LIPA: variants seen among roughly 807,000 people sequenced by gnomAD.
LIPA encodes lysosomal acid lipase/cholesteryl ester hydrolase.
A neutral mutation model predicts 40.6 loss-of-function variants in LIPA; 26 were observed. The ratio of observed to expected loss-of-function variants is 0.64; its 90% CI spans 0.47 to 0.89. LIPA has a LOEUF of 0.89. Ranked by LOEUF, LIPA falls within the 40% of genes least tolerant of loss-of-function variation. The pLI, the probability that LIPA is intolerant of heterozygous loss-of-function variation, is 0.00. For synonymous variants in LIPA, 188 were observed against 168.4 expected (o/e 1.12, Z -0.90); for missense variants, 455 against 479.6 (o/e 0.95, Z 0.48).
At chr10:89,295,631 C>T (rs1467744955) in intron 1 of LIPA, among the ~76,000 whole-genome samples, 1 of 152,076 alleles carries the variant, frequency 6.6e-6, no homozygotes. Flanking sequence ...TGCATTATAC[C>T]ATCTGTAGTT....
chr10:89,411,260 G>A (rs910267024), intron 2 of LIPA, among the ~76,000 whole-genome samples: 2 of 151,760 alleles, frequency 1.3e-5, no homozygotes, highest in Admixed American at 6.5e-5. Flanking sequence ...AGGACAGGAC[G>A]GATAGATGGT....
At chr10:89,356,238 C>T (rs534396382) in intron 2 of LIPA, among the ~76,000 whole-genome samples, 1 of 152,116 alleles carries the variant, frequency 6.6e-6, no homozygotes, top group East Asian at 1.9e-4. Context: ...GAAGGGTGGG[C>T]ATGGAGCTTC....
chr10:89,245,920 A>T (rs553526832), intron 2 of LIPA, 127 bp from the exon 3 acceptor site: 1 of 726,406 alleles, frequency 1.4e-6, no homozygotes, highest in South Asian at 1.4e-5. Flanking sequence ...TTGAAATTTT[A>T]GTCTGCTAAA....
chr10:89,377,539 T>C (rs994397767), intron 2 of LIPA, among the ~76,000 whole-genome samples: 7 of 152,190 alleles, frequency 4.6e-5, no homozygotes, highest in African/African-American at 1.7e-4. Context: ...ATCTCAAAAT[T>C]GAGGAGTTGT....
chr10:89,290,886 G>T (rs1203496699), intron 1 of LIPA, among the ~76,000 whole-genome samples: 2 of 152,210 alleles, frequency 1.3e-5, no homozygotes, highest in African/African-American at 4.8e-5. Flanking sequence ...TCTTCACGTG[G>T]AAAAGAGTGA....
intron 1 of LIPA, among the ~76,000 whole-genome samples, chr10:89,288,869 T>A (rs545033214): frequency 6.6e-6 from 1 of 152,366 alleles, no homozygotes; most frequent in Admixed American, 6.5e-5. Flanking sequence ...TGCACCACCA[T>A]GCTGTTACAT....
intron 2 of LIPA, among the ~76,000 whole-genome samples, chr10:89,358,528 G>T (rs1178280657): frequency 6.6e-6 from 1 of 152,166 alleles, no homozygotes; most frequent in Non-Finnish European, 1.5e-5. Context: ...AACAAACTAA[G>T]TGTCCATCAG....
intron 1 of LIPA, among the ~76,000 whole-genome samples, chr10:89,338,477 C>T (rs1843783895): frequency 6.6e-6 from 1 of 152,192 alleles, no homozygotes. Flanking sequence ...ATCTGCTCTA[C>T]TCAGTCCACC....
At chr10:89,286,761 C>G (rs1307157030) in intron 1 of LIPA, among the ~76,000 whole-genome samples, 1 of 152,192 alleles carries the variant, frequency 6.6e-6, no homozygotes, top group Non-Finnish European at 1.5e-5. Flanking sequence ...GGCCCTCAAA[C>G]CCCACAATAG....
At chr10:89,235,654 A>G (rs1157378999) in intron 3 of LIPA, among the ~76,000 whole-genome samples, 1 of 152,204 alleles carries the variant, frequency 6.6e-6, no homozygotes, top group Non-Finnish European at 1.5e-5. Flanking sequence ...CTGAGTCCGG[A>G]CAGGACTCCG....
rs1016645625 is a variant in LIPA at position 89,214,195 on chromosome 10, T to C, written c.*633A>G. 2 of 152,346 alleles carry C rather than the reference T, an allele frequency of 1.3e-5. No individual in the cohort carries two copies. Among genetic ancestry groups the C allele is most frequent in the Admixed American group, 6.5e-5 (1 of 15,290 alleles). The allele number at this position is 152,346 out of a possible 1,614,324, so 9.4% of individuals were successfully genotyped here. ...GTTTTTGAAGACGCCGGAAAACTAT[T>C]TCATTTAACCTGAGCAATTAAAACG... On this transcript the variant is annotated 3_prime_UTR_variant, in exon 10 of 10. Coordinates refer to ENST00000336233, the MANE Select transcript of LIPA (RefSeq NM_000235.4).
chr10:89,221,021 C>T (rs781409795), intron 8 of LIPA, among the ~76,000 whole-genome samples: 7 of 151,770 alleles, frequency 4.6e-5, no homozygotes, highest in Non-Finnish European at 8.8e-5. Context: ...GCAAACTAAG[C>T]TACAATGACA....
chr10:89,305,720 C>T (rs1036965343), intron 1 of LIPA, among the ~76,000 whole-genome samples: 2 of 152,174 alleles, frequency 1.3e-5, no homozygotes, highest in Non-Finnish European at 2.9e-5. Flanking sequence ...AACCTAGCCA[C>T]AGACTCAGAG....
chr10:89,392,669 G>A (rs754080671), intron 2 of LIPA: 4 of 1,612,912 alleles, frequency 2.5e-6, no homozygotes, highest in Non-Finnish European at 3.4e-6. Flanking sequence ...GAGGAGCCTG[G>A]CTAAGCAAAA....
At chr10:89,318,190 G>A (rs1191030152) in intron 1 of LIPA, among the ~76,000 whole-genome samples, 1 of 152,052 alleles carries the variant, frequency 6.6e-6, no homozygotes, top group Non-Finnish European at 1.5e-5. Flanking sequence ...AACATGATAA[G>A]GACAGGATCA....
intron 1 of LIPA, chr10:89,308,782 C>T (rs1843499319): frequency 1.3e-5 from 2 of 152,282 alleles, no homozygotes; most frequent in South Asian, 4.1e-4. Flanking sequence ...AAAATTCTAA[C>T]CACTGTAACA....
intron 1 of LIPA, among the ~76,000 whole-genome samples, chr10:89,283,112 A>G (rs1843324584): frequency 6.6e-6 from 1 of 152,254 alleles, no homozygotes. Flanking sequence ...TTTTCTGTAC[A>G]TAGTAAACTA....
chr10:89,301,523 C>T (rs928639271), intron 1 of LIPA, among the ~76,000 whole-genome samples: 2 of 152,122 alleles, frequency 1.3e-5, no homozygotes, highest in Non-Finnish European at 2.9e-5. Context: ...AGAGGAAGTT[C>T]TTCTAACTCA....
chr10:89,306,089 C>T (rs1843476239), intron 1 of LIPA: 1 of 1,614,014 alleles, frequency 6.2e-7, no homozygotes, highest in African/African-American at 1.3e-5. Context: ...GACTGAGTTT[C>T]AGAATCGTGA....
Sources: gnomAD v4.1 joint callset for allele counts (sites outside exome capture counted in the v4.1 genomes callset) on GRCh38, gnomAD v4.1.1 for gene constraint, MANE v1.5 for transcripts, NCBI Gene and HGNC (gene_info 2026-07-23, HGNC 2026-07-21) for gene names.